NAMPT: variants seen among roughly 807,000 people sequenced by gnomAD.
The protein encoded by NAMPT is NAmPRTase.
NAMPT carries 7 observed loss-of-function variants against 58.7 expected under a neutral mutation model. The observed-to-expected ratio is 0.12, with a 90% CI of 0.07 to 0.22. NAMPT has a LOEUF of 0.22. Among genes scored for constraint, NAMPT ranks in the 10% least tolerant of loss-of-function variants. The probability of loss-of-function intolerance (pLI) is 1.00; values close to 1 mark genes in which losing one functional copy is unlikely to be tolerated. For synonymous variants in NAMPT, 145 were observed against 198.1 expected (o/e 0.73, Z 2.25); for missense variants, 271 against 567.9 (o/e 0.48, Z 5.31).
chr7:106,266,285 CCA>C (rs1210439224), intron 6 of NAMPT, among the ~76,000 whole-genome samples: 2 of 152,116 alleles, frequency 1.3e-5, no homozygotes, highest in African/African-American at 4.8e-5. Flanking sequence ...TATCCCTTGC[CCA>C]CATACAGTAT....
intron 6 of NAMPT, among the ~76,000 whole-genome samples, chr7:106,264,899 G>A (rs1293890406): frequency 1.3e-5 from 2 of 151,256 alleles, no homozygotes; most frequent in Non-Finnish European, 3.0e-5. Context: ...TTTTTTAAAG[G>A]ACTAGACTTA....
chr7:106,253,832 C>T (rs887903466), intron 9 of NAMPT, among the ~76,000 whole-genome samples: 10 of 152,112 alleles, frequency 6.6e-5, no homozygotes, highest in African/African-American at 2.4e-4. Context: ...GTTCTTAATT[C>T]TTAGCATCCT....
intron 3 of NAMPT, 110 bp downstream of exon 3, chr7:106,274,836 C>G: frequency 1.5e-6 from 1 of 683,634 alleles, no homozygotes; most frequent in Non-Finnish European, 2.5e-6. Flanking sequence ...GCCTGGGTGA[C>G]AGAGTGACAC....
chr7:106,283,988 C>A (rs1792814706), intron 1 of NAMPT, among the ~76,000 whole-genome samples: 1 of 152,250 alleles, frequency 6.6e-6, no homozygotes, highest in Non-Finnish European at 1.5e-5. Flanking sequence ...GTGGCAGCTA[C>A]CCACACAAGT....
At chr7:106,265,193 G>C (rs973963169) in intron 6 of NAMPT, among the ~76,000 whole-genome samples, 1 of 152,064 alleles carries the variant, frequency 6.6e-6, no homozygotes, top group Non-Finnish European at 1.5e-5. Flanking sequence ...AGAGAATTAA[G>C]ATCAATGAAT....
At position 106,278,496 on chromosome 7, in the gene NAMPT, A is replaced by G. The variant is rs550374476; in HGVS notation, c.58-1317T>C. ...GGAAGACTCATCAAAAGCTAGAAGTATATGTCAGGGCTTATTAAGGTTAGA... is the reference window on the plus strand; with the variant it reads ...GGAAGACTCATCAAAAGCTAGAAGTGTATGTCAGGGCTTATTAAGGTTAGA... On this transcript the variant is annotated intron_variant, in intron 1 of 10. Transcript: ENST00000222553. 3.9e-5 allele frequency among the ~76,000 whole-genome samples: 6 copies of G among 152,314 alleles called. No homozygotes were observed. In the South Asian group the frequency reaches 6.2e-4, roughly 16 times the overall value.
intron 2 of NAMPT, chr7:106,276,503 C>A (rs1792647361): frequency 6.5e-6 from 1 of 152,832 alleles, no homozygotes; most frequent in Non-Finnish European, 1.5e-5. Context: ...GTATAACAAA[C>A]AAGATTAGCC....
upstream of NAMPT, chr7:106,285,055 A>G: frequency 7.4e-7 from 1 of 1,356,108 alleles, no homozygotes; most frequent in Non-Finnish European, 9.6e-7. Context: ...CGGGCCCGGG[A>G]GCCGTGACGC....
chr7:106,272,376 CTG>C (rs1157585258), intron 4 of NAMPT, 152 bp downstream of exon 4: 2 of 592,750 alleles, frequency 3.4e-6, no homozygotes, highest in Non-Finnish European at 5.6e-6. Context: ...ATTATTTAGT[CTG>C]TCATTTTATA....
At chr7:106,285,129 C>A, upstream of NAMPT, 1 of 1,303,462 alleles carries the variant, frequency 7.7e-7, no homozygotes. Context: ...GGACTCCCCA[C>A]CTCGGTTCCC....
At position 106,254,591 on chromosome 7, in the gene NAMPT, G is replaced by A. The variant is rs571387729; in HGVS notation, c.1090-87C>T. The A allele has an allele frequency of 1.3e-5, 19 of 1,428,882 alleles. No individual in the cohort carries two copies. In the Admixed American group the frequency reaches 3.1e-4, roughly 24 times the overall value. The allele number at this position is 1,428,882 out of a possible 1,614,324, so 88.5% of individuals were successfully genotyped here. A position where few individuals can be genotyped will look rare whatever the true frequency, so the allele number is the denominator to read the frequency against. On this transcript the variant is annotated intron_variant, in intron 8 of 10. Coordinates refer to ENST00000222553, the MANE Select transcript of NAMPT (RefSeq NM_005746.3). The stretch of plus-strand genomic sequence containing the variant: ...TTTTCAAGGGACAATATTGATGAAT[G>A]AAGCATCCAAGACTGTTTTATAACA...
At chr7:106,285,298 C>A (rs1792856166), upstream of NAMPT, 3 of 651,588 alleles carry the variant, frequency 4.6e-6, no homozygotes, top group South Asian at 1.8e-4. Flanking sequence ...GCAGCCCCGG[C>A]GCGTGACCCG....
At chr7:106,253,348 AG>A (rs1253704792) in intron 9 of NAMPT, 197 bp from the exon 10 acceptor site, 2 of 549,114 alleles carry the variant, frequency 3.6e-6, no homozygotes, top group African/African-American at 3.8e-5. Context: ...TTTGTAATAA[AG>A]AAAAAGTATG....
chr7:106,256,780 G>T (rs879835560), intron 8 of NAMPT, among the ~76,000 whole-genome samples: 1 of 152,120 alleles, frequency 6.6e-6, no homozygotes, highest in South Asian at 2.1e-4. Flanking sequence ...TCCACTTAAC[G>T]TTTTCAACTT....
chr7:106,254,216 C>T (rs1034048048), intron 9 of NAMPT, 148 bp downstream of exon 9: 21 of 774,652 alleles, frequency 2.7e-5, no homozygotes, highest in Non-Finnish European at 4.3e-5. Flanking sequence ...TCCCTTCTTT[C>T]CTTGTTTCTG....
In NAMPT at chr7:106,253,155, A is replaced by C; in HGVS notation, c.1231-4T>G. ...CTGGGTCCTTGAAGACGTTAATCTGAAATCCAAATTAAGAAAGTTAGACAA... is the reference window on the plus strand; with the variant it reads ...CTGGGTCCTTGAAGACGTTAATCTGCAATCCAAATTAAGAAAGTTAGACAA... On this transcript the variant is annotated splice_polypyrimidine_tract_variant and splice_region_variant and intron_variant, in intron 9 of 10. Coordinates refer to ENST00000222553, the MANE Select transcript of NAMPT (RefSeq NM_005746.3). 6.8e-6 allele frequency: 11 copies of C among 1,610,398 alleles called. No individual in the cohort carries two copies. Among genetic ancestry groups the C allele is most frequent in the Non-Finnish European group, 8.5e-6 (10 of 1,178,500 alleles).
upstream of NAMPT, chr7:106,285,787 G>A (rs1327877978): frequency 6.3e-6 from 1 of 157,982 alleles, no homozygotes; most frequent in East Asian, 1.9e-4. Flanking sequence ...AGCGGGGGTG[G>A]AATTCAGTCC....
intron 3 of NAMPT, among the ~76,000 whole-genome samples, chr7:106,274,359 A>G (rs973854294): frequency 2.6e-5 from 4 of 152,178 alleles, no homozygotes; most frequent in African/African-American, 9.6e-5. Context: ...CATTTTTATT[A>G]ATTACTTAGA....
In NAMPT at chr7:106,251,164, G is replaced by C; in HGVS notation, c.1395C>G (p.Gly465=). 6.2e-7 allele frequency: 1 copy of C among 1,603,696 alleles called. No homozygotes were observed. The highest frequency in any genetic ancestry group is 8.5e-7 in the Non-Finnish European group (1 of 1,171,046). Residue 465 remains glycine, a synonymous_variant, in exon 11 of 11, where the codon GGC becomes GGG. Coordinates refer to ENST00000222553, the MANE Select transcript of NAMPT (RefSeq NM_005746.3). The stretch of plus-strand genomic sequence containing the variant: ...CAAATGAATAGCTTTTTGTCACCTT[G>C]CCATTCTTGAAGACAGTATGGAGAA... ...QDLLHTVFKN[G]KVTKSYSFDE...
Sources: allele counts gnomAD v4.1 joint callset (sites outside exome capture counted in the v4.1 genomes callset), GRCh38; gene constraint gnomAD v4.1.1; transcripts MANE v1.5; gene names NCBI Gene and HGNC (gene_info 2026-07-23, HGNC 2026-07-21).